The following OPHN1 variants were observed in gnomAD, a reference collection of about 807,000 sequenced individuals.
The protein encoded by OPHN1 is oligophrenin-1.
In OPHN1, 11 loss-of-function variants were observed where a neutral mutation model predicts 60.7. That is an observed-to-expected ratio of 0.18 (90% CI 0.11 to 0.30). The LOEUF is 0.30. OPHN1 is among the 10% of genes least tolerant of loss of function. The probability of loss-of-function intolerance (pLI) is 1.00; values close to 1 mark genes in which losing one functional copy is unlikely to be tolerated. For missense variants in OPHN1, 449 were observed against 611.0 expected, an observed-to-expected ratio of 0.73 and a Z score of 2.80; for synonymous variants, 226 against 222.6, an observed-to-expected ratio of 1.02 and a Z score of -0.14.
intron 5 of OPHN1, among the ~76,000 whole-genome samples, chrX:68,254,530 G>A (rs368917774): frequency 2.7e-5 from 3 of 110,386 alleles, no homozygotes; most frequent in South Asian, 3.9e-4. Context: ...GGCAAGCAAC[G>A]TTCTCCAAAA....
At chrX:68,285,116 G>T (rs1317760577) in intron 3 of OPHN1, among the ~76,000 whole-genome samples, 1 of 111,870 alleles carries the variant, frequency 8.9e-6, no homozygotes, top group Non-Finnish European at 1.9e-5. Flanking sequence ...CTAAGGGTTT[G>T]TCAATTTTGT....
intron 6 of OPHN1, among the ~76,000 whole-genome samples, chrX:68,225,354 C>G (rs1315483012): frequency 2.7e-5 from 3 of 111,844 alleles, no homozygotes; most frequent in African/African-American, 9.7e-5. Flanking sequence ...GTCCCTGTCT[C>G]ACAGCTTTCA....
chrX:68,219,165 G>A, intron 6 of OPHN1, among the ~76,000 whole-genome samples: 1 of 75,138 alleles, frequency 1.3e-5, no homozygotes, highest in African/African-American at 5.1e-5. Flanking sequence ...AACCAACAAA[G>A]ATCAAAAGAG....
intron 2 of OPHN1, among the ~76,000 whole-genome samples, chrX:68,352,784 G>A (rs1298181007): frequency 8.9e-6 from 1 of 111,897 alleles, no homozygotes; most frequent in Non-Finnish European, 1.9e-5. Context: ...AACGAAGCAG[G>A]AGGAACATCT....
chrX:68,242,889 A>G (rs1279881637), intron 5 of OPHN1, among the ~76,000 whole-genome samples: 1 of 109,908 alleles, frequency 9.1e-6, no homozygotes, highest in Non-Finnish European at 1.9e-5. Context: ...TTTTTTTAAG[A>G]TGGAGTCTTA....
intron 15 of OPHN1, among the ~76,000 whole-genome samples, chrX:68,143,918 T>C (rs1361129315): frequency 8.9e-6 from 1 of 112,201 alleles, no homozygotes; most frequent in Non-Finnish European, 1.9e-5. Flanking sequence ...TGAGTCCTTT[T>C]AACAAATTAC....
intron 5 of OPHN1, among the ~76,000 whole-genome samples, chrX:68,264,783 G>T (rs2077914132): frequency 8.9e-6 from 1 of 112,365 alleles, no homozygotes; most frequent in Admixed American, 9.4e-5. Context: ...CCTAGTCAAA[G>T]AAAGGAGTGA....
chrX:68,228,241 G>A (rs1298547615), intron 6 of OPHN1, among the ~76,000 whole-genome samples: 1 of 111,649 alleles, frequency 9.0e-6, no homozygotes. Flanking sequence ...ACTAATAACA[G>A]GCTCTGAAAT....
chrX:68,222,497 T>C (rs2077665906), intron 6 of OPHN1, among the ~76,000 whole-genome samples: 1 of 100,916 alleles, frequency 9.9e-6, no homozygotes, highest in East Asian at 3.3e-4. Context: ...TATTGCGGCA[T>C]TATTCACAAT....
chrX:68,200,477 A>G (rs985041100), intron 11 of OPHN1, among the ~76,000 whole-genome samples: 2 of 111,662 alleles, frequency 1.8e-5, no homozygotes, highest in Non-Finnish European at 3.8e-5. Flanking sequence ...GGGAAGCCAC[A>G]GCCAACAATA....
intron 15 of OPHN1, among the ~76,000 whole-genome samples, chrX:68,186,327 C>CT (rs2077462288): frequency 9.0e-6 from 1 of 110,729 alleles, no homozygotes; most frequent in Admixed American, 9.6e-5. Flanking sequence ...GTTCATCTGC[C>CT]TAACCTGGCT....
intron 15 of OPHN1, among the ~76,000 whole-genome samples, chrX:68,122,741 T>G (rs774199193): frequency 1.1e-4 from 12 of 110,412 alleles, no homozygotes; most frequent in African/African-American, 3.9e-4. Context: ...ATAACATAAT[T>G]GATCAAGCAG....
At chrX:68,219,782 T>C (rs1210916895) in intron 6 of OPHN1, among the ~76,000 whole-genome samples, 4 of 103,769 alleles carry the variant, frequency 3.9e-5, no homozygotes, top group Non-Finnish European at 7.9e-5. Context: ...TTCAAAGCAG[T>C]GTGTAGAGGG....
intron 2 of OPHN1, among the ~76,000 whole-genome samples, chrX:68,413,743 C>T (rs1040624800): frequency 5.5e-5 from 6 of 109,234 alleles, no homozygotes; most frequent in African/African-American, 2.0e-4. Flanking sequence ...CCCATCTCTA[C>T]AAAAAAACAA....
chrX:68,234,812 T>C (rs2077744937), intron 5 of OPHN1, among the ~76,000 whole-genome samples: 1 of 112,247 alleles, frequency 8.9e-6, no homozygotes, highest in Non-Finnish European at 1.9e-5. Context: ...GCAGTCCCTA[T>C]TTTTACAGCT....
At chrX:68,247,070 G>A (rs2077809882) in intron 5 of OPHN1, among the ~76,000 whole-genome samples, 1 of 111,295 alleles carries the variant, frequency 9.0e-6, no homozygotes, top group Non-Finnish European at 1.9e-5. Flanking sequence ...CTTTGTACAA[G>A]CTGAGCCCTC....
chrX:68,292,131 T>C (rs990824503), intron 3 of OPHN1, among the ~76,000 whole-genome samples: 1 of 111,359 alleles, frequency 9.0e-6, no homozygotes, highest in African/African-American at 3.3e-5. Flanking sequence ...TGGCTGGGGG[T>C]TGTTCAATCA....
chrX:68,111,826 T>C, intron 18 of OPHN1, 28 bp downstream of exon 18: 1 of 1,080,730 alleles, frequency 9.3e-7, no homozygotes, highest in African/African-American at 1.8e-5. Flanking sequence ...TAATAGGAAC[T>C]TTTTCTGAAA....
chrX:68,381,455 A>C (rs1375467383), intron 2 of OPHN1, among the ~76,000 whole-genome samples: 4 of 111,925 alleles, frequency 3.6e-5, no homozygotes, highest in Non-Finnish European at 7.5e-5. Flanking sequence ...TTCATTTAAC[A>C]AACTATTTTG....
Sources: gnomAD v4.1 joint callset for allele counts (sites outside exome capture counted in the v4.1 genomes callset) on GRCh38, gnomAD v4.1.1 for gene constraint, MANE v1.5 for transcripts, NCBI Gene and HGNC (gene_info 2026-07-23, HGNC 2026-07-21) for gene names.